The following NXN variants were observed in gnomAD, a reference collection of about 807,000 sequenced individuals.
The protein encoded by NXN is nucleoredoxin 1.
In NXN, 16 loss-of-function variants were observed where a neutral mutation model predicts 48.6. That is an observed-to-expected ratio of 0.33 (90% confidence interval 0.22 to 0.50). NXN has a LOEUF of 0.50. Ranked by LOEUF, NXN falls within the 20% of genes least tolerant of loss-of-function variation. The probability of loss-of-function intolerance (pLI) is 0.98; values close to 1 mark genes in which losing one functional copy is unlikely to be tolerated. For synonymous variants in NXN, 281 were observed against 269.6 expected (o/e 1.04, Z -0.41); for missense variants, 492 against 605.5 (o/e 0.81, Z 1.97).
At chr17:884,078 G>A (rs191374680) in intron 1 of NXN, among the ~76,000 whole-genome samples, 13 of 152,192 alleles carry the variant, frequency 8.5e-5, no homozygotes, top group Admixed American at 4.6e-4. Flanking sequence ...AAAGTTAGCC[G>A]GGCGTGGTGG....
rs191374403 is a variant in NXN at position 955,939 on chromosome 17, C to T, written c.360+23380G>A. Among the ~76,000 whole-genome samples, 1,131 of 152,038 alleles carry T rather than the reference C, an allele frequency of 7.4e-3. 14 individuals are homozygous for T. The highest frequency in any genetic ancestry group is 8.7e-3 in the Non-Finnish European group (590 of 67,952). On this transcript the variant is annotated intron_variant, in intron 1 of 7. Coordinates refer to ENST00000336868, the MANE Select transcript of NXN (RefSeq NM_022463.5). ...GAGAGAGAGAGAGAAATATGACTGGCCCAGCCATACAGAGGCTGAGAATCT... is the reference window on the plus strand; with the variant it reads ...GAGAGAGAGAGAGAAATATGACTGGTCCAGCCATACAGAGGCTGAGAATCT...
At chr17:871,778 T>C (rs565711138) in intron 1 of NXN, among the ~76,000 whole-genome samples, 1 of 152,212 alleles carries the variant, frequency 6.6e-6, no homozygotes, top group Non-Finnish European at 1.5e-5. Context: ...GCATGTGTTA[T>C]CCAGCCCTGA....
chr17:910,523 G>A (rs1466703929), intron 1 of NXN, among the ~76,000 whole-genome samples: 2 of 152,064 alleles, frequency 1.3e-5, no homozygotes, highest in Admixed American at 1.3e-4. Context: ...ATTGTCTGGA[G>A]GGTTTTTATT....
At chr17:893,911 CT>C (rs1426869195) in intron 1 of NXN, among the ~76,000 whole-genome samples, 4 of 97,534 alleles carry the variant, frequency 4.1e-5, no homozygotes, top group East Asian at 3.2e-4. Flanking sequence ...TCTCAACTCC[CT>C]GGAAGCCAGA....
At chr17:938,463 C>T (rs994465811) in intron 1 of NXN, among the ~76,000 whole-genome samples, 2 of 150,902 alleles carry the variant, frequency 1.3e-5, no homozygotes, top group East Asian at 1.9e-4. Flanking sequence ...AGGCGGATCA[C>T]GAGGTCAGGA....
chr17:885,931 G>A (rs9788974), intron 1 of NXN, among the ~76,000 whole-genome samples: 81,694 of 150,714 alleles, frequency 0.54, 22,447 homozygotes, highest in South Asian at 0.68. Flanking sequence ...CTCGTGATCC[G>A]CCCGCCTCGG....
chr17:824,771 T>C (rs1481313335), intron 2 of NXN, among the ~76,000 whole-genome samples: 1 of 152,168 alleles, frequency 6.6e-6, no homozygotes, highest in Non-Finnish European at 1.5e-5. Context: ...GAGAATACGC[T>C]TCCCGCTCAA....
chr17:823,629 C>A lies in NXN; in HGVS notation c.612+3G>T. ...CTGAGCCAAAGGGGGTCCAAACACTCACCCAATGTGCGGAGAAATAGACGC... is the reference window on the plus strand; with the variant it reads ...CTGAGCCAAAGGGGGTCCAAACACTAACCCAATGTGCGGAGAAATAGACGC... On this transcript the variant is annotated splice_donor_region_variant and intron_variant, in intron 3 of 7. Transcript: ENST00000336868. 1 of 1,614,026 alleles carries A rather than the reference C, an allele frequency of 6.2e-7. No homozygotes were observed. The highest frequency in any genetic ancestry group is 1.3e-5 in the African/African-American group (1 of 75,022).
chr17:813,456 G>A (rs555341340), intron 5 of NXN, among the ~76,000 whole-genome samples: 1 of 152,250 alleles, frequency 6.6e-6, no homozygotes, highest in Admixed American at 6.5e-5. Context: ...AATGCCGCAC[G>A]TGGGGCTCAG....
chr17:927,869 C>T (rs11247565), intron 1 of NXN, among the ~76,000 whole-genome samples: 14,221 of 152,120 alleles, frequency 0.093, 782 homozygotes, highest in Middle Eastern at 0.16. Flanking sequence ...TCTTTAATTA[C>T]TGAGTCTGCA....
intron 1 of NXN, among the ~76,000 whole-genome samples, chr17:938,717 A>C (rs2068936384): frequency 6.6e-6 from 1 of 151,868 alleles, no homozygotes; most frequent in Non-Finnish European, 1.5e-5. Context: ...ACAAAAAGAA[A>C]GAAAACAGGC....
At chr17:824,340 C>G (rs1912982605) in intron 2 of NXN, among the ~76,000 whole-genome samples, 1 of 152,226 alleles carries the variant, frequency 6.6e-6, no homozygotes, top group Non-Finnish European at 1.5e-5. Context: ...AGCCACCGCA[C>G]CTGGCCCTTC....
rs540639276 is a variant in NXN, at chr17:868,812, G to A, written c.361-42734C>T. 4.1e-4 allele frequency among the ~76,000 whole-genome samples: 63 copies of A among 152,264 alleles called. 1 individual carries two copies. Among genetic ancestry groups the A allele is most frequent in the African/African-American group, 1.4e-3 (59 of 41,548 alleles). On this transcript the variant is annotated intron_variant, in intron 1 of 7. Transcript: ENST00000336868. ...CGGTCGAAACTACCTTCTCTACATC[G>A]TGATCACCCCAGTGCCAGCACCGAC...
intron 1 of NXN, among the ~76,000 whole-genome samples, chr17:889,761 A>AAAG (rs1567850397): frequency 0.078 from 5,498 of 70,704 alleles, 290 homozygotes; most frequent in East Asian, 0.15. Context: ...GAAAGAAAGA[A>AAAG]AAAGAAAGAA....
At chr17:969,326 A>C (rs958930904) in intron 1 of NXN, among the ~76,000 whole-genome samples, 8 of 152,180 alleles carry the variant, frequency 5.3e-5, no homozygotes, top group Non-Finnish European at 1.2e-4. Context: ...CACCCCCGGG[A>C]AACAGCCAAG....
At chr17:942,544 TCC>T (rs2068989424) in intron 1 of NXN, among the ~76,000 whole-genome samples, 1 of 32,942 alleles carries the variant, frequency 3.0e-5, no homozygotes, top group African/African-American at 1.2e-4. Flanking sequence ...CATCACACCT[TCC>T]TGGATTTACG....
Position 918,000 on chromosome 17 carries a change from C to T in NXN, c.360+61319G>A, listed in dbSNP as rs2144942510. 6.6e-6 allele frequency among the ~76,000 whole-genome samples: 1 copy of T among 152,312 alleles called. No individual in the cohort carries two copies. Among genetic ancestry groups the T allele is most frequent in the East Asian group, 1.9e-4 (1 of 5,186 alleles). ...ACATGGCTCACGGCAGGGCCCGGCA[C>T]ATCACAAAAACTCACTCCGTATTTG... is the stretch of plus-strand genomic sequence containing the variant. On this transcript the variant is annotated intron_variant, in intron 1 of 7. Transcript: ENST00000336868. The surrounding 1 kb of genome is among the most constrained non-coding windows in gnomAD (Gnocchi z 4.5).
At chr17:848,628 C>A (rs1338793773) in intron 1 of NXN, among the ~76,000 whole-genome samples, 1 of 152,216 alleles carries the variant, frequency 6.6e-6, no homozygotes, top group African/African-American at 2.4e-5. Flanking sequence ...AGTCAGTATT[C>A]GTGCATGTCA....
In NXN at chr17:819,508, G is replaced by T; in HGVS notation, c.751C>A (p.Pro251Thr). ...ESFKQYFSEM[P>T]WLAVPYTDEA... ...TCCGTGTAGGGGACGGCGAGCCAGGGCATCTCACTGAAGTACTGTTTGAAG... is the reference window on the plus strand; with the variant it reads ...TCCGTGTAGGGGACGGCGAGCCAGGTCATCTCACTGAAGTACTGTTTGAAG... The change falls in exon 5 of 8, where the codon CCC becomes ACC. Residue 251 changes from proline to threonine, a missense_variant. Around this residue, in one of 3 missense-constraint regions of NXN, gnomAD observed 303 missense variants for 388.3 expected, o/e 0.78. Coordinates refer to ENST00000336868, the MANE Select transcript of NXN (RefSeq NM_022463.5). 1 of 1,612,664 alleles carries T rather than the reference G, an allele frequency of 6.2e-7. No homozygotes were observed. Among genetic ancestry groups the T allele is most frequent in the Non-Finnish European group, 8.5e-7 (1 of 1,179,316 alleles).
Sources: gnomAD v4.1 joint callset for allele counts (sites outside exome capture counted in the v4.1 genomes callset) on GRCh38, gnomAD v4.1.1 for gene constraint, gnomAD v4.1.1 regional missense constraint, Gnocchi (gnomAD v3.1) non-coding constraint, MANE v1.5 for transcripts, NCBI Gene and HGNC (gene_info 2026-07-23, HGNC 2026-07-21) for gene names.